Variants in XPR1 observed in about 807,000 individuals in gnomAD.
XPR1 encodes xenotropic and polytropic retrovirus receptor 1.
Under a neutral mutation model 87.5 loss-of-function variants are expected in XPR1, and 28 were observed. The ratio of observed to expected loss-of-function variants is 0.32; its 90% CI spans 0.24 to 0.44. The LOEUF (loss-of-function observed/expected upper bound fraction) is 0.44. XPR1 is among the 20% of genes least tolerant of loss of function. The pLI is 1.00. For synonymous variants in XPR1, 300 were observed against 306.1 expected, an observed-to-expected ratio of 0.98 and a Z score of 0.21; for missense variants, 559 against 862.3, an observed-to-expected ratio of 0.65 and a Z score of 4.41.
chr1:180,836,777 A>C (rs113022706), intron 11 of XPR1, 61 bp downstream of exon 11: 2 of 1,561,694 alleles, frequency 1.3e-6, no homozygotes, highest in Non-Finnish European at 8.7e-7. Flanking sequence ...ACCTGACTCT[A>C]TTTCTTACTC....
rs139133235 is a variant in XPR1, at chr1:180,705,713, A to G, written c.121+23302A>G. Among the ~76,000 whole-genome samples the G allele has an allele frequency of 8.5e-5, 13 of 152,350 alleles. No homozygotes were observed. In the East Asian group the frequency reaches 1.7e-3, roughly 20 times the overall value. Reference sequence around the variant, plus strand: ...CAATATGTCGTCTTTCTATAAGACTATAATTTCCACTTAAGGAAAACTATG... The same window carrying G: ...CAATATGTCGTCTTTCTATAAGACTGTAATTTCCACTTAAGGAAAACTATG... On this transcript the variant is annotated intron_variant, in intron 2 of 14. Transcript: ENST00000367590.
At chr1:180,791,990 T>C (rs1649407868) in intron 3 of XPR1, among the ~76,000 whole-genome samples, 1 of 152,226 alleles carries the variant, frequency 6.6e-6, no homozygotes, top group African/African-American at 2.4e-5. Flanking sequence ...TCCTCACTGG[T>C]ACAAATTGGT....
intron 11 of XPR1, among the ~76,000 whole-genome samples, chr1:180,846,277 A>G (rs1459871781): frequency 6.6e-6 from 1 of 150,474 alleles, no homozygotes; most frequent in African/African-American, 2.5e-5. Flanking sequence ...AAAAAAAAAA[A>G]TGTCAAGGGT....
intron 1 of XPR1, among the ~76,000 whole-genome samples, chr1:180,656,613 A>AATATATTATTATGTATAAT (rs1655532771): frequency 3.0e-5 from 2 of 66,794 alleles, no homozygotes; most frequent in Non-Finnish European, 5.4e-5. Context: ...ATGTATGTAT[A>AATATATTATTATGTATAAT]ATATATTTTA....
chr1:180,729,986 T>C (rs1658496580), intron 2 of XPR1, among the ~76,000 whole-genome samples: 1 of 152,226 alleles, frequency 6.6e-6, no homozygotes, highest in African/African-American at 2.4e-5. Flanking sequence ...CAGAATGGTA[T>C]TTCCTAGGTT....
intron 1 of XPR1, among the ~76,000 whole-genome samples, chr1:180,635,670 G>A (rs929405241): frequency 6.6e-6 from 1 of 152,130 alleles, no homozygotes; most frequent in African/African-American, 2.4e-5. Context: ...AGGTCCAGAG[G>A]GGTTAAGCCA....
At chr1:180,633,022 AT>A (rs969015903) in intron 1 of XPR1, among the ~76,000 whole-genome samples, 17 of 152,302 alleles carry the variant, frequency 1.1e-4, no homozygotes, top group African/African-American at 4.1e-4. Flanking sequence ...AATTATTAAC[AT>A]TTTTTTATTT....
intron 1 of XPR1, among the ~76,000 whole-genome samples, chr1:180,676,508 T>C (rs561241644): frequency 2.0e-5 from 3 of 152,356 alleles, no homozygotes; most frequent in African/African-American, 7.2e-5. Context: ...ACTCTGATTT[T>C]AGCAATCTTT....
At chr1:180,686,368 C>T (rs1403179081) in intron 2 of XPR1, among the ~76,000 whole-genome samples, 2 of 152,096 alleles carry the variant, frequency 1.3e-5, no homozygotes, top group Non-Finnish European at 2.9e-5. Context: ...GTTATAATTT[C>T]TGTTCTTTTA....
At chr1:180,746,437 C>CA (rs917302591) in intron 2 of XPR1, among the ~76,000 whole-genome samples, 4 of 152,084 alleles carry the variant, frequency 2.6e-5, no homozygotes, top group South Asian at 2.1e-4. Flanking sequence ...CAAGTTGCTG[C>CA]AAAAAACATT....
intron 11 of XPR1, among the ~76,000 whole-genome samples, chr1:180,850,046 A>C (rs572813284): frequency 3.9e-5 from 6 of 152,324 alleles, no homozygotes; most frequent in Admixed American, 2.0e-4. Flanking sequence ...TTGATACTGC[A>C]GTTGGTGAAG....
chr1:180,684,475 T>C (rs1656694299), intron 2 of XPR1, among the ~76,000 whole-genome samples: 1 of 152,110 alleles, frequency 6.6e-6, no homozygotes, highest in South Asian at 2.1e-4. Flanking sequence ...ATGCGGGCTC[T>C]TTTTTGGTTC....
At chr1:180,863,912 T>A (rs2102208095) in intron 12 of XPR1, 38 bp downstream of exon 12, 1 of 1,526,826 alleles carries the variant, frequency 6.5e-7, no homozygotes, top group Non-Finnish European at 8.8e-7. Context: ...AAGAACAAAC[T>A]TAGGTATACC....
Position 180,825,227 on chromosome 1 carries a change from T to C in XPR1, c.1017T>C (p.Ile339=). ...TTCTGGCATGCTTCTTTGCTCCAAT[T>C]AGTGTCATCCCCACATATGTGTATC... ...LSLLACFFAP[I]SVIPTYVYPL... is the part of the protein sequence containing the mutation. The change falls in exon 9 of 15, where the codon ATT becomes ATC. Residue 339 remains isoleucine, a synonymous_variant. Transcript: ENST00000367590. The C allele has an allele frequency of 1.9e-6, 3 of 1,614,086 alleles. No homozygotes were observed. The highest frequency in any genetic ancestry group is 2.5e-6 in the Non-Finnish European group (3 of 1,179,950).
intron 2 of XPR1, among the ~76,000 whole-genome samples, chr1:180,735,830 CA>C (rs1658710843): frequency 6.6e-6 from 1 of 152,168 alleles, no homozygotes; most frequent in Non-Finnish European, 1.5e-5. Flanking sequence ...CTTCTAGTTG[CA>C]GTTCCCATCC....
intron 2 of XPR1, among the ~76,000 whole-genome samples, chr1:180,774,589 A>G (rs953496188): frequency 1.3e-5 from 2 of 151,598 alleles, no homozygotes; most frequent in Admixed American, 6.6e-5. Context: ...TTGTATATTT[A>G]GTAGAGATGG....
intron 7 of XPR1, among the ~76,000 whole-genome samples, chr1:180,819,196 C>T (rs1294520548): frequency 2.0e-5 from 3 of 152,202 alleles, no homozygotes; most frequent in Non-Finnish European, 4.4e-5. Context: ...TCCAGTGATC[C>T]TCCCACTTTG....
intron 1 of XPR1, among the ~76,000 whole-genome samples, chr1:180,678,962 G>C (rs946646276): frequency 6.6e-6 from 1 of 151,924 alleles, no homozygotes; most frequent in Non-Finnish European, 1.5e-5. Flanking sequence ...TTAGGAGGCC[G>C]AGGCGGGTGG....
Position 180,682,377 on chromosome 1 carries a change from G to C in XPR1, c.87G>C (p.Leu29=), listed in dbSNP as rs767068465. Residue 29 remains leucine, a synonymous_variant, in exon 2 of 15, where the codon CTG becomes CTC. Coordinates refer to ENST00000367590, the MANE Select transcript of XPR1 (RefSeq NM_004736.4). ...TCTAATAGGCTTTCAAGGATATGCT[G>C]TATTCAGCTCAGGACCAGGCACCTT... The part of the protein sequence containing the change: ...YIQYEAFKDM[L]YSAQDQAPSV... 6.2e-6 allele frequency: 10 copies of C among 1,603,294 alleles called. No individual in the cohort carries two copies. The South Asian group carries it at 1.0e-4, about 16-fold the overall frequency.
Sources: allele counts gnomAD v4.1 joint callset (sites outside exome capture counted in the v4.1 genomes callset), GRCh38; gene constraint gnomAD v4.1.1; transcripts MANE v1.5; gene names NCBI Gene and HGNC (gene_info 2026-07-23, HGNC 2026-07-21).